TLL2: variants seen among roughly 807,000 people sequenced by gnomAD.
TLL2 encodes tolloid like 2.
Under a neutral mutation model 123.0 loss-of-function variants are expected in TLL2, and 106 were observed. That is an observed-to-expected ratio of 0.86 (90% CI 0.74 to 1.01). TLL2 has a LOEUF of 1.01. Ranked by LOEUF, TLL2 falls within the 50% of genes least tolerant of loss-of-function variation. The pLI is 0.00. For missense variants in TLL2, 1,332 were observed against 1,336.7 expected (o/e 1.00, Z 0.06); for synonymous variants, 494 against 516.8 (o/e 0.96, Z 0.60).
intron 5 of TLL2, among the ~76,000 whole-genome samples, chr10:96,424,768 TTGTTTTG>T (rs75918582): frequency 5.2e-5 from 4 of 76,684 alleles, no homozygotes; most frequent in South Asian, 3.8e-4. Flanking sequence ...TTTTTATGTA[TTGTTTTG>T]TTTTTTTTGC....
At chr10:96,436,448 A>T (rs1846795708) in intron 3 of TLL2, among the ~76,000 whole-genome samples, 1 of 152,146 alleles carries the variant, frequency 6.6e-6, no homozygotes, top group South Asian at 2.1e-4. Context: ...TGGCTTCTTA[A>T]TGTATCAGTT....
chr10:96,427,864 G>A (rs1846694048), intron 5 of TLL2, among the ~76,000 whole-genome samples: 3 of 152,052 alleles, frequency 2.0e-5, no homozygotes, highest in Admixed American at 2.0e-4. Context: ...GCGGGATCTC[G>A]GCTCACTGCA....
chr10:96,459,759 T>A, intron 2 of TLL2, among the ~76,000 whole-genome samples: 1 of 121,572 alleles, frequency 8.2e-6, no homozygotes, highest in African/African-American at 3.0e-5. Flanking sequence ...GACACATGGA[T>A]TGCTGGATAT....
At position 96,500,885 on chromosome 10, in the gene TLL2, C is replaced by A. The variant is rs146818122; in HGVS notation, c.175+12626G>T. On this transcript the variant is annotated intron_variant, in intron 1 of 20. Transcript: ENST00000357947. ...GAGATTGCTTAAATAAATTATGGTG[C>A]ATCTATACAACAGTGTATAAAGCAA... Among the ~76,000 whole-genome samples, 151 of 152,198 alleles carry A rather than the reference C, an allele frequency of 9.9e-4. 4 individuals carry two copies. The East Asian group carries it at 0.028, about 28-fold the overall frequency.
At chr10:96,473,955 T>A (rs1371411742) in intron 2 of TLL2, among the ~76,000 whole-genome samples, 2 of 152,132 alleles carry the variant, frequency 1.3e-5, no homozygotes, top group African/African-American at 2.4e-5. Flanking sequence ...GCCACTCTCG[T>A]ATCGAAAAGG....
At chr10:96,488,391 T>TGG (rs1847377359) in intron 1 of TLL2, among the ~76,000 whole-genome samples, 1 of 152,182 alleles carries the variant, frequency 6.6e-6, no homozygotes, top group South Asian at 2.1e-4. Flanking sequence ...CCCCATGGTG[T>TGG]GGGACTGGAT....
intron 17 of TLL2, 147 bp from the exon 18 acceptor site, chr10:96,376,966 T>A: frequency 1.5e-6 from 1 of 666,880 alleles, no homozygotes; most frequent in Non-Finnish European, 2.3e-6. Context: ...GAATCAGGTA[T>A]CTCCTGGCTC....
At chr10:96,432,685 G>A in intron 4 of TLL2, 122 bp downstream of exon 4, 2 of 1,282,278 alleles carry the variant, frequency 1.6e-6, no homozygotes, top group South Asian at 1.5e-5. Flanking sequence ...GGCATCATCT[G>A]TAGGCCTGCT....
intron 2 of TLL2, among the ~76,000 whole-genome samples, chr10:96,476,491 A>C (rs1398286817): frequency 6.6e-6 from 1 of 151,314 alleles, no homozygotes; most frequent in Non-Finnish European, 1.5e-5. Flanking sequence ...TGAACTCCTG[A>C]CCTCAAGTGA....
At chr10:96,403,269 T>C (rs1313260169) in intron 10 of TLL2, among the ~76,000 whole-genome samples, 1 of 151,968 alleles carries the variant, frequency 6.6e-6, no homozygotes, top group Non-Finnish European at 1.5e-5. Context: ...ACGAGAGATG[T>C]AGGGAAAAGA....
chr10:96,495,078 T>C (rs991911963), intron 1 of TLL2, among the ~76,000 whole-genome samples: 1 of 152,128 alleles, frequency 6.6e-6, no homozygotes, highest in Non-Finnish European at 1.5e-5. Flanking sequence ...GTTTGTCCAC[T>C]CCAATAACAA....
chr10:96,499,907 G>GA (rs1421374277), intron 1 of TLL2, among the ~76,000 whole-genome samples: 1 of 151,914 alleles, frequency 6.6e-6, no homozygotes, highest in African/African-American at 2.4e-5. Context: ...TGAAGAAATA[G>GA]AAAAATACTT....
intron 10 of TLL2, among the ~76,000 whole-genome samples, chr10:96,400,944 TTC>T (rs772652712): frequency 2.0e-5 from 3 of 152,148 alleles, no homozygotes; most frequent in Non-Finnish European, 4.4e-5. Context: ...CCATGAAATG[TTC>T]TCAATTGACT....
At chr10:96,427,577 T>A (rs34625348) in intron 5 of TLL2, among the ~76,000 whole-genome samples, 7,945 of 152,276 alleles carry the variant, frequency 0.052, 221 homozygotes, top group Middle Eastern at 0.078. Flanking sequence ...TTATAAAGTG[T>A]CTCAGCTTTT....
chr10:96,381,073 A>G (rs1241628355), intron 16 of TLL2, among the ~76,000 whole-genome samples: 1 of 151,928 alleles, frequency 6.6e-6, no homozygotes, highest in Non-Finnish European at 1.5e-5. Flanking sequence ...CCTTCTGCAG[A>G]TGACTCACAG....
At chr10:96,487,694 G>A (rs922478305) in intron 1 of TLL2, among the ~76,000 whole-genome samples, 63 of 152,070 alleles carry the variant, frequency 4.1e-4, no homozygotes, top group African/African-American at 1.1e-3. Flanking sequence ...CACTTTTACC[G>A]ATTAAGAACC....
At chr10:96,512,071 C>T (rs192420470) in intron 1 of TLL2, among the ~76,000 whole-genome samples, 1 of 152,302 alleles carries the variant, frequency 6.6e-6, no homozygotes, top group Admixed American at 6.5e-5. Flanking sequence ...ACCTTCCTAA[C>T]TCAGAAGCCC....
At chr10:96,468,645 A>G (rs1847151328) in intron 2 of TLL2, among the ~76,000 whole-genome samples, 2 of 152,152 alleles carry the variant, frequency 1.3e-5, no homozygotes, top group Admixed American at 1.3e-4. Context: ...CCAATTTCTT[A>G]AGCTCATCTC....
chr10:96,454,499 G>C (rs1846991572), intron 2 of TLL2, among the ~76,000 whole-genome samples: 1 of 152,194 alleles, frequency 6.6e-6, no homozygotes, highest in Non-Finnish European at 1.5e-5. Flanking sequence ...TGTTGGATGA[G>C]TGACTGCCAG....
Sources: allele counts gnomAD v4.1 joint callset (sites outside exome capture counted in the v4.1 genomes callset), GRCh38; gene constraint gnomAD v4.1.1; transcripts MANE v1.5; gene names NCBI Gene and HGNC (gene_info 2026-07-23, HGNC 2026-07-21).